Variants in UMAD1 observed in about 807,000 individuals in gnomAD.
UMAD1 encodes the protein UBAP1-MVB12-associated (UMA) domain containing 1, also known as UBAP1-MVB12-associated (UMA)-domain containing protein 1.
Under a neutral mutation model 6.1 loss-of-function variants are expected in UMAD1, and 8 were observed. The ratio of observed to expected loss-of-function variants is 1.30; its 90% CI spans 0.76 to 2.35. UMAD1 has a LOEUF of 2.35. Among genes scored for constraint, UMAD1 ranks in the 30% most tolerant of loss-of-function variants. The pLI is 0.00. For missense variants in UMAD1, 130 were observed against 78.4 expected (o/e 1.66, Z -2.49); for synonymous variants, 56 against 31.4 (o/e 1.78, Z -2.61).
chr7:7,839,703 A>T (rs1783640616), intron 3 of UMAD1, among the ~76,000 whole-genome samples: 2 of 152,244 alleles, frequency 1.3e-5, no homozygotes, highest in Admixed American at 1.3e-4. Flanking sequence ...TTAAGAAGCA[A>T]TGCAATCTAC....
chr7:7,743,512 T>G (rs569368664), intron 2 of UMAD1, among the ~76,000 whole-genome samples: 60 of 152,254 alleles, frequency 3.9e-4, no homozygotes, highest in African/African-American at 1.4e-3. Flanking sequence ...TTTAACTGAT[T>G]GATTTATTTC....
intron 2 of UMAD1, among the ~76,000 whole-genome samples, chr7:7,741,593 T>A (rs866286006): frequency 0.081 from 11,756 of 145,460 alleles, 609 homozygotes; most frequent in African/African-American, 0.13. Flanking sequence ...ATAATAATAA[T>A]AATAATAATA....
At chr7:7,862,127 TTTC>T (rs1359090552) in intron 3 of UMAD1, among the ~76,000 whole-genome samples, 2 of 152,186 alleles carry the variant, frequency 1.3e-5, no homozygotes, top group Non-Finnish European at 2.9e-5. Context: ...TTAGATTTAC[TTTC>T]TTCTTGTATT....
At chr7:7,856,459 A>G (rs950150585) in intron 3 of UMAD1, among the ~76,000 whole-genome samples, 2 of 152,196 alleles carry the variant, frequency 1.3e-5, no homozygotes, top group African/African-American at 4.8e-5. Flanking sequence ...TATCACAAGA[A>G]CAGCATGGGG....
At chr7:7,645,474 A>T (rs1453807181) in intron 1 of UMAD1, among the ~76,000 whole-genome samples, 2 of 152,196 alleles carry the variant, frequency 1.3e-5, no homozygotes, top group Non-Finnish European at 2.9e-5. Context: ...CTCATAGGCC[A>T]GGTAAGTGAT....
At chr7:7,667,129 CCCA>C (rs1225301252) in intron 1 of UMAD1, among the ~76,000 whole-genome samples, 1 of 152,176 alleles carries the variant, frequency 6.6e-6, no homozygotes, top group Non-Finnish European at 1.5e-5. Flanking sequence ...TTCTTTATCC[CCCA>C]CCTGTATAGA....
At chr7:7,870,489 C>T (rs543150836) in intron 3 of UMAD1, among the ~76,000 whole-genome samples, 4 of 152,116 alleles carry the variant, frequency 2.6e-5, no homozygotes, top group Non-Finnish European at 5.9e-5. Context: ...GGTTAACATA[C>T]TAATTCTTCC....
At chr7:7,686,396 A>G (rs2115130337) in intron 2 of UMAD1, among the ~76,000 whole-genome samples, 1 of 152,314 alleles carries the variant, frequency 6.6e-6, no homozygotes, top group Admixed American at 6.5e-5. Context: ...TTAAAGCAGT[A>G]AAGTTATGGG....
At chr7:7,817,677 A>G (rs529442919) in intron 3 of UMAD1, among the ~76,000 whole-genome samples, 1 of 152,142 alleles carries the variant, frequency 6.6e-6, no homozygotes, top group Admixed American at 6.5e-5. Context: ...TTTATTTGTT[A>G]TGTATTATGA....
chr7:7,735,281 T>C (rs559875515), intron 2 of UMAD1, among the ~76,000 whole-genome samples: 3 of 152,314 alleles, frequency 2.0e-5, no homozygotes, highest in African/African-American at 7.2e-5. Context: ...AATTTAAAGG[T>C]AATTCTAAAG....
chr7:7,671,125 T>C (rs1036731441), intron 1 of UMAD1, among the ~76,000 whole-genome samples: 5 of 152,226 alleles, frequency 3.3e-5, no homozygotes, highest in Admixed American at 6.5e-5. Flanking sequence ...ATATTACTCT[T>C]TGAATTGAGA....
intron 2 of UMAD1, among the ~76,000 whole-genome samples, chr7:7,775,881 A>G (rs1782195322): frequency 1.3e-5 from 2 of 152,228 alleles, no homozygotes; most frequent in African/African-American, 2.4e-5. Context: ...ATAGTAATGG[A>G]TAGCAAAGTG....
chr7:7,732,086 C>G (rs1276116035), intron 2 of UMAD1, among the ~76,000 whole-genome samples: 3 of 151,852 alleles, frequency 2.0e-5, no homozygotes, highest in South Asian at 2.1e-4. Context: ...GCTTGGATTA[C>G]TTGCTCTAGC....
intron 1 of UMAD1, among the ~76,000 whole-genome samples, chr7:7,649,906 A>C (rs933238217): frequency 1.3e-5 from 2 of 152,224 alleles, no homozygotes. Flanking sequence ...TATAGTGAAA[A>C]GATGGCTGTC....
intron 2 of UMAD1, among the ~76,000 whole-genome samples, chr7:7,728,053 C>T (rs913592324): frequency 3.3e-5 from 5 of 152,000 alleles, no homozygotes; most frequent in Non-Finnish European, 7.4e-5. Context: ...TTCTGTTGGC[C>T]CTATTTTTAA....
chr7:7,850,535 A>T (rs762550703), intron 3 of UMAD1, among the ~76,000 whole-genome samples: 44 of 152,128 alleles, frequency 2.9e-4, no homozygotes, highest in Non-Finnish European at 5.6e-4. Context: ...GAAAACTGAT[A>T]TAAGTTAATT....
Position 7,804,110 on chromosome 7 carries a change from C to T in UMAD1, c.156+2367C>T, listed in dbSNP as rs528755733. Among the ~76,000 whole-genome samples the T allele has an allele frequency of 6.8e-4, 104 of 152,244 alleles. 1 individual carries two copies. Among genetic ancestry groups the T allele is most frequent in the African/African-American group, 2.5e-3 (102 of 41,552 alleles). The stretch of plus-strand genomic sequence containing the variant: ...TTAAGGCTGGATGTACATACTCATG[C>T]AGTAACAGATGTTTCAAAAGTGCCT... On this transcript the variant is annotated intron_variant, in intron 3 of 3. Transcript: ENST00000682710.
At chr7:7,832,841 G>A (rs1783491297) in intron 3 of UMAD1, among the ~76,000 whole-genome samples, 1 of 152,090 alleles carries the variant, frequency 6.6e-6, no homozygotes, top group South Asian at 2.1e-4. Flanking sequence ...TGGAGGTGGT[G>A]ATCACATTGA....
chr7:7,709,703 C>A (rs571038069), intron 2 of UMAD1, among the ~76,000 whole-genome samples: 1 of 152,226 alleles, frequency 6.6e-6, no homozygotes, highest in African/African-American at 2.4e-5. Flanking sequence ...AGGGTAAGAT[C>A]TTTAAAGTGA....
Sources: allele counts gnomAD v4.1 joint callset (sites outside exome capture counted in the v4.1 genomes callset), GRCh38; gene constraint gnomAD v4.1.1; transcripts MANE v1.5; gene names NCBI Gene and HGNC (gene_info 2026-07-23, HGNC 2026-07-21).